The following PCDHA2 variants were observed in gnomAD, a reference collection of about 807,000 sequenced individuals.
PCDHA2 encodes the protein protocadherin alpha 2, also known as protocadherin alpha-2.
A neutral mutation model predicts 66.0 loss-of-function variants in PCDHA2; 58 were observed. That is an observed-to-expected ratio of 0.88 (90% CI 0.71 to 1.09). PCDHA2 has a LOEUF of 1.09. Among genes scored for constraint, PCDHA2 ranks in the 50% least tolerant of loss-of-function variants. The pLI is 0.00. For missense variants in PCDHA2, 1,267 were observed against 1,242.3 expected, an observed-to-expected ratio of 1.02 and a Z score of -0.30; for synonymous variants, 634 against 554.0, an observed-to-expected ratio of 1.14 and a Z score of -2.03.
At chr5:140,873,858 A>G (rs1238963531) in intron 1 of PCDHA2, among the ~76,000 whole-genome samples, 9 of 152,022 alleles carry the variant, frequency 5.9e-5, no homozygotes, top group African/African-American at 1.9e-4. Context: ...ATGGGTTTTC[A>G]CCATGTTGGC....
intron 1 of PCDHA2, among the ~76,000 whole-genome samples, chr5:140,905,871 G>C (rs889363141): frequency 6.6e-6 from 1 of 152,078 alleles, no homozygotes; most frequent in African/African-American, 2.4e-5. Context: ...ACAATCACAA[G>C]GCCCAACAAT....
At chr5:140,838,152 C>G (rs1353802529) in intron 1 of PCDHA2, among the ~76,000 whole-genome samples, 3 of 150,110 alleles carry the variant, frequency 2.0e-5, no homozygotes, top group Non-Finnish European at 4.4e-5. Context: ...TTTACTCTGT[C>G]GCCCTCTCTG....
intron 1 of PCDHA2, chr5:140,828,675 TA>T: frequency 6.2e-7 from 1 of 1,614,212 alleles, no homozygotes; most frequent in Non-Finnish European, 8.5e-7. Context: ...ATTGGGCTCT[TA>T]TTAAAGAAAT....
At chr5:140,856,264 C>G in intron 1 of PCDHA2, 2 of 1,598,114 alleles carry the variant, frequency 1.3e-6, no homozygotes, top group Non-Finnish European at 1.7e-6. Flanking sequence ...GACACGGGGA[C>G]CTTCTGGAGG....
At chr5:140,928,932 G>T in intron 1 of PCDHA2, 5 of 1,614,108 alleles carry the variant, frequency 3.1e-6, no homozygotes, top group Non-Finnish European at 2.5e-6. Flanking sequence ...TTTCTGCCCA[G>T]AACTTGTATT....
chr5:140,884,443 A>G (rs568353165), intron 1 of PCDHA2: 2 of 1,613,454 alleles, frequency 1.2e-6, no homozygotes, highest in South Asian at 2.2e-5. Flanking sequence ...GGTGCTCGGC[A>G]CCGCCCACCG....
At chr5:140,829,048 C>T (rs2150162121) in intron 1 of PCDHA2, 1 of 1,612,862 alleles carries the variant, frequency 6.2e-7, no homozygotes, top group Non-Finnish European at 8.5e-7. Flanking sequence ...ACAAAATCCT[C>T]ATTGACGCCA....
intron 1 of PCDHA2, among the ~76,000 whole-genome samples, chr5:140,919,658 T>C (rs1271844986): frequency 2.0e-5 from 3 of 152,230 alleles, no homozygotes; most frequent in Non-Finnish European, 2.9e-5. Context: ...GTTTACCATA[T>C]ATATTTTAGC....
chr5:140,810,369 A>G (rs1393479569), intron 1 of PCDHA2: 1 of 152,214 alleles, frequency 6.6e-6, no homozygotes, highest in East Asian at 1.9e-4. Flanking sequence ...TTTGTGGGTC[A>G]CAGAATATGT....
chr5:140,836,566 C>T, intron 1 of PCDHA2: 1 of 1,613,742 alleles, frequency 6.2e-7, no homozygotes, highest in Non-Finnish European at 8.5e-7. Flanking sequence ...GCGCCGTCCT[C>T]TGAGGGCGCA....
chr5:140,858,834 A>T, intron 1 of PCDHA2: 1 of 322,932 alleles, frequency 3.1e-6, no homozygotes, highest in Non-Finnish European at 5.8e-6. Context: ...CATTACCAAA[A>T]AATTCCACTG....
At chr5:140,952,261 C>T (rs246037) in intron 1 of PCDHA2, among the ~76,000 whole-genome samples, 85,112 of 150,858 alleles carry the variant, frequency 0.56, 24,616 homozygotes, top group African/African-American at 0.69. Flanking sequence ...GATTCCCATT[C>T]TGGGGTCTTG....
At chr5:140,829,934 G>A (rs2150178196) in intron 1 of PCDHA2, 1 of 1,613,996 alleles carries the variant, frequency 6.2e-7, no homozygotes, top group East Asian at 2.2e-5. Context: ...GCAGCCCCCG[G>A]CAAGCAGCGC....
chr5:140,828,136 C>G (rs936364862), intron 1 of PCDHA2: 1 of 1,613,734 alleles, frequency 6.2e-7, no homozygotes. Context: ...AATGTCTGCT[C>G]CTCCCGCTTC....
At chr5:141,001,032 TTTAA>T (rs1332637304) in intron 3 of PCDHA2, among the ~76,000 whole-genome samples, 3 of 152,348 alleles carry the variant, frequency 2.0e-5, no homozygotes, top group Middle Eastern at 3.4e-3. Flanking sequence ...TAATAATAGC[TTTAA>T]TTAATTGTAA....
chr5:140,983,711 G>C (rs2097062291), intron 3 of PCDHA2, among the ~76,000 whole-genome samples: 1 of 152,202 alleles, frequency 6.6e-6, no homozygotes, highest in Non-Finnish European at 1.5e-5. Context: ...AGTATATCTA[G>C]CACTTATATT....
At chr5:140,871,190 A>G (rs1554165248) in intron 1 of PCDHA2, 9 of 1,613,526 alleles carry the variant, frequency 5.6e-6, no homozygotes, top group Admixed American at 3.3e-5. Flanking sequence ...GTGGATGTCA[A>G]CGTGTACCTG....
chr5:141,000,615 A>G (rs2097951954), intron 3 of PCDHA2, among the ~76,000 whole-genome samples: 1 of 150,870 alleles, frequency 6.6e-6, no homozygotes, highest in South Asian at 2.1e-4. Context: ...TTTAGTAGAG[A>G]CAGGGTTTCA....
At chr5:140,891,624 T>C (rs1489586112) in intron 1 of PCDHA2, among the ~76,000 whole-genome samples, 1 of 152,188 alleles carries the variant, frequency 6.6e-6, no homozygotes, top group African/African-American at 2.4e-5. Context: ...TTTTAACACC[T>C]TTTGCTCTTT....
Sources: gnomAD v4.1 joint callset for allele counts (sites outside exome capture counted in the v4.1 genomes callset) on GRCh38, gnomAD v4.1.1 for gene constraint, MANE v1.5 for transcripts, NCBI Gene and HGNC (gene_info 2026-07-23, HGNC 2026-07-21) for gene names.